Variants in DNAJC28 observed in about 807,000 individuals in gnomAD.
The protein encoded by DNAJC28 is DnaJ heat shock protein family (Hsp40) member C28, also known as dnaJ homolog subfamily C member 28.
In DNAJC28, 24 loss-of-function variants were observed where a neutral mutation model predicts 33.3. That is an observed-to-expected ratio of 0.72 (90% CI 0.52 to 1.01). The LOEUF (loss-of-function observed/expected upper bound fraction) is 1.01. Ranked by LOEUF, DNAJC28 falls within the 50% of genes least tolerant of loss-of-function variation. The pLI, the probability that DNAJC28 is intolerant of heterozygous loss-of-function variation, is 0.00. For synonymous variants in DNAJC28, 120 were observed against 147.2 expected (o/e 0.82, Z 1.34); for missense variants, 442 against 455.2 (o/e 0.97, Z 0.26).
At position 33,488,528 on chromosome 21, in the gene DNAJC28, T is replaced by C; in HGVS notation, c.866A>G (p.Glu289Gly). 2.5e-6 allele frequency: 4 copies of C among 1,613,004 alleles called. No homozygotes were observed. Among genetic ancestry groups the C allele is most frequent in the African/African-American group, 1.3e-5 (1 of 75,026 alleles). ...ACAAACATGGTTCCACTGTTTCTTT[T>C]CAGTTGGTGTCATTGGATTCCCAAG... ...KKLGNPMTPTEKKQWNHVCEQ... is the reference protein window; with the variant it reads ...KKLGNPMTPTGKKQWNHVCEQ... Residue 289 changes from glutamate to glycine, a missense_variant, in exon 2 of 2, where the codon GAA becomes GGA. Glu to Gly is a moderately conservative substitution (Grantham distance 98). Coordinates refer to ENST00000381947, the MANE Select transcript of DNAJC28 (RefSeq NM_001040192.3).
intron 1 of DNAJC28, 112 bp downstream of exon 1, chr21:33,491,490 C>G (rs549243996): frequency 1.3e-5 from 2 of 152,630 alleles, no homozygotes; most frequent in Non-Finnish European, 2.9e-5. Context: ...GTGCGCGGTC[C>G]GCCCTTCACT....
intron 1 of DNAJC28, among the ~76,000 whole-genome samples, chr21:33,490,535 A>G (rs1258264103): frequency 6.6e-6 from 1 of 151,828 alleles, no homozygotes; most frequent in African/African-American, 2.4e-5. Flanking sequence ...GTACTTTAGG[A>G]GGCCGAGGTG....
At position 33,488,541 on chromosome 21, in the gene DNAJC28, T is replaced by A; in HGVS notation, c.853A>T (p.Met285Leu). ...CACTGTTTCTTTTCAGTTGGTGTCA[T>A]TGGATTCCCAAGTTTTTTCCTAGAC... ...LVSRKKLGNP[M>L]TPTEKKQWNH... The change falls in exon 2 of 2, where the codon ATG becomes TTG. Residue 285 changes from methionine to leucine, a missense_variant. Met to Leu is a conservative substitution (Grantham distance 15). Coordinates refer to ENST00000381947, the MANE Select transcript of DNAJC28 (RefSeq NM_001040192.3). 1 of 1,613,310 alleles carries A rather than the reference T, an allele frequency of 6.2e-7. No individual in the cohort carries two copies. The highest frequency in any genetic ancestry group is 8.5e-7 in the Non-Finnish European group (1 of 1,179,852).
chr21:33,490,257 C>A (rs1176267273), intron 1 of DNAJC28, among the ~76,000 whole-genome samples: 1 of 151,114 alleles, frequency 6.6e-6, no homozygotes, highest in South Asian at 2.1e-4. Context: ...TACAGGTGCA[C>A]GACACCACTC....
chr21:33,490,445 G>A (rs770855981), intron 1 of DNAJC28, among the ~76,000 whole-genome samples: 3 of 151,606 alleles, frequency 2.0e-5, no homozygotes, highest in Non-Finnish European at 2.9e-5. Flanking sequence ...TCACTGATGT[G>A]GGCAGAAAAG....
intron 1 of DNAJC28, chr21:33,491,396 T>TCCTGC (rs1440732366): frequency 6.6e-6 from 1 of 152,328 alleles, no homozygotes; most frequent in African/African-American, 2.4e-5. Flanking sequence ...GGGAGGTCGG[T>TCCTGC]CCTGCCCCGC....
chr21:33,491,300 A>C (rs1322500036), intron 1 of DNAJC28: 1 of 152,286 alleles, frequency 6.6e-6, no homozygotes, highest in East Asian at 1.9e-4. Context: ...TATAAACGCT[A>C]AAACGGAGCT....
chr21:33,488,861 T>G lies in DNAJC28; in HGVS notation c.533A>C (p.Tyr178Ser). ...TTTAACAATTACACTATCAGGAAAA[T>G]ACTGGCTTTGTAGTTTCTGCTTTTG... ...EYQKQKLQSQYFPDSVIVKNI... is the reference protein window; with the variant it reads ...EYQKQKLQSQSFPDSVIVKNI... Residue 178 changes from tyrosine (Y) to serine (S), a missense_variant, in exon 2 of 2, where the codon TAT becomes TCT. Tyr to Ser is a moderately radical substitution (Grantham distance 144, BLOSUM62 -2). Coordinates refer to ENST00000381947, the MANE Select transcript of DNAJC28 (RefSeq NM_001040192.3). The G allele has an allele frequency of 6.2e-7, 1 of 1,610,412 alleles. No homozygotes were observed. The highest frequency in any genetic ancestry group is 8.5e-7 in the Non-Finnish European group (1 of 1,179,296).
intron 1 of DNAJC28, among the ~76,000 whole-genome samples, chr21:33,489,663 T>G (rs2084503986): frequency 6.6e-6 from 1 of 151,832 alleles, no homozygotes. Flanking sequence ...CTAATTTTTT[T>G]GTATTTTTAG....
At chr21:33,490,120 C>CTTTTT (rs899299286) in intron 1 of DNAJC28, among the ~76,000 whole-genome samples, 3 of 132,846 alleles carry the variant, frequency 2.3e-5, no homozygotes, top group South Asian at 4.7e-4. Context: ...CTTTTCTTTT[C>CTTTTT]TTTTTTTTTT....
In DNAJC28 at chr21:33,489,223, G is replaced by T; in HGVS notation, c.171C>A (p.Asn57Lys). Residue 57 changes from asparagine (N) to lysine (K), a missense_variant, in exon 2 of 2, where the codon AAC (asparagine) becomes AAA (lysine). Physicochemically the swap from Asn to Lys is moderately conservative, Grantham distance 94. Transcript: ENST00000381947. The stretch of plus-strand genomic sequence containing the variant: ...CATCTGCAGAGCATCCTTCCTCCAC[G>T]TTCAGCAGTCTATAATATTCTCTGA... ...KKIREYYRLL[N>K]VEEGCSADEV... 1.2e-6 allele frequency: 2 copies of T among 1,604,794 alleles called. No homozygotes were observed. Among genetic ancestry groups the T allele is most frequent in the Non-Finnish European group, 1.7e-6 (2 of 1,177,150 alleles).
At chr21:33,489,981 T>A (rs1378415208) in intron 1 of DNAJC28, among the ~76,000 whole-genome samples, 1 of 151,214 alleles carries the variant, frequency 6.6e-6, no homozygotes, top group African/African-American at 2.4e-5. Context: ...TTTGTAGGGA[T>A]GGGGTTTCGT....
At position 33,488,078 on chromosome 21, in the gene DNAJC28, A is replaced by C; in HGVS notation, c.*149T>G. ...TTGCTATATCCTCAGGACAAACCTGATAGGTTTCTCACTCACACATCATTG... is the reference window on the plus strand; with the variant it reads ...TTGCTATATCCTCAGGACAAACCTGCTAGGTTTCTCACTCACACATCATTG... On this transcript the variant is annotated 3_prime_UTR_variant, in exon 2 of 2. Transcript: ENST00000381947. 1 of 634,058 alleles carries C rather than the reference A, an allele frequency of 1.6e-6. No homozygotes were observed. Among genetic ancestry groups the C allele is most frequent in the Non-Finnish European group, 2.5e-6 (1 of 400,920 alleles). The allele number at this position is 634,058 out of a possible 1,614,324, so 39.3% of individuals were successfully genotyped here. A position where few individuals can be genotyped will look rare whatever the true frequency, so the allele number is the denominator to read the frequency against.
chr21:33,489,414 C>T lies in DNAJC28; in HGVS notation c.-21G>A. On this transcript the variant is annotated 5_prime_UTR_variant, in exon 2 of 2. Transcript: ENST00000381947. ...TTCATTATTGTACCCAGAGTTCTTCCTAGCAATGACCTATAAAACGACAAC... is the reference window on the plus strand; with the variant it reads ...TTCATTATTGTACCCAGAGTTCTTCTTAGCAATGACCTATAAAACGACAAC... 6.8e-7 allele frequency: 1 copy of T among 1,467,198 alleles called. No individual in the cohort carries two copies. Among genetic ancestry groups the T allele is most frequent in the Non-Finnish European group, 9.0e-7 (1 of 1,108,324 alleles). 90.9% of individuals were successfully genotyped at this position (1,467,198 alleles called of 1,614,324 possible). A position where few individuals can be genotyped will look rare whatever the true frequency, so the allele number is the denominator to read the frequency against.
At position 33,488,555 on chromosome 21, in the gene DNAJC28, T is replaced by C. The variant is rs1351426890; in HGVS notation, c.839A>G (p.Lys280Arg). Residue 280 changes from lysine to arginine, a missense_variant, in exon 2 of 2, where the codon AAA becomes AGA. Transcript: ENST00000381947. ...LREAILVSRK[K>R]LGNPMTPTEK... ...AGTTGGTGTCATTGGATTCCCAAGT[T>C]TTTTCCTAGACACTAAAATTGCCTC... is the stretch of plus-strand genomic sequence containing the variant. The C allele has an allele frequency of 6.2e-7, 1 of 1,613,210 alleles. No homozygotes were observed. The highest frequency in any genetic ancestry group is 1.7e-5 in the Admixed American group (1 of 59,808).
intron 1 of DNAJC28, among the ~76,000 whole-genome samples, chr21:33,489,720 G>C (rs2084504426): frequency 1.3e-5 from 2 of 151,302 alleles, no homozygotes; most frequent in South Asian, 4.2e-4. Context: ...TGGATATCCT[G>C]ACATGGTTAT....
chr21:33,488,274 A>G lies in DNAJC28; in HGVS notation c.1120T>C (p.Leu374=), dbSNP rs372061825. The G allele has an allele frequency of 6.5e-7, 1 of 1,532,378 alleles. No homozygotes were observed. Among genetic ancestry groups the G allele is most frequent in the African/African-American group, 1.4e-5 (1 of 71,558 alleles). The allele number at this position is 1,532,378 out of a possible 1,614,324, so 94.9% of individuals were successfully genotyped here. ...EKTPEIKKGF[L]NWMNLWKFIK... ...AATTTCCACAGATTCATCCAGTTTA[A>G]AAAACCTTTCTTGATTTCAGGTGTT... Residue 374 remains leucine, a synonymous_variant, in exon 2 of 2, where the codon TTA becomes CTA. Coordinates refer to ENST00000381947, the MANE Select transcript of DNAJC28 (RefSeq NM_001040192.3).
In DNAJC28 at chr21:33,488,888, T is replaced by C. The variant is rs1224895861; in HGVS notation, c.506A>G (p.Tyr169Cys). 1.2e-6 allele frequency: 2 copies of C among 1,610,234 alleles called. No individual in the cohort carries two copies. Among genetic ancestry groups the C allele is most frequent in the East Asian group, 4.5e-5 (2 of 44,878 alleles). The change falls in exon 2 of 2, where the codon TAT (tyrosine) becomes TGT (cysteine). Residue 169 changes from tyrosine to cysteine, a missense_variant. Coordinates refer to ENST00000381947, the MANE Select transcript of DNAJC28 (RefSeq NM_001040192.3). ...CTGGCTTTGTAGTTTCTGCTTTTGA[T>C]ATTCCATCACTTGTTCAGCAGCACG... is the stretch of plus-strand genomic sequence containing the variant. ...ADRAAEQVME[Y>C]QKQKLQSQYF...
chr21:33,489,561 T>C, intron 1 of DNAJC28, 137 bp from the exon 2 acceptor site: 1 of 452,086 alleles, frequency 2.2e-6, no homozygotes, highest in African/African-American at 2.1e-5. Context: ...TGCTGTCAAC[T>C]TTTTCCTTTT....
Sources: allele counts gnomAD v4.1 joint callset (sites outside exome capture counted in the v4.1 genomes callset), GRCh38; gene constraint gnomAD v4.1.1; transcripts MANE v1.5; gene names NCBI Gene and HGNC (gene_info 2026-07-23, HGNC 2026-07-21).